The following SNTG1 variants were observed in gnomAD, a reference collection of about 807,000 sequenced individuals.
SNTG1 encodes the protein gamma-1-syntrophin.
In SNTG1, 39 loss-of-function variants were observed where a neutral mutation model predicts 74.7. The ratio of observed to expected loss-of-function variants is 0.52; its 90% CI spans 0.40 to 0.68. The LOEUF is 0.68. Ranked by LOEUF, SNTG1 falls within the 30% of genes least tolerant of loss-of-function variation. The pLI, the probability that SNTG1 is intolerant of heterozygous loss-of-function variation, is 0.00. For synonymous variants in SNTG1, 254 were observed against 217.1 expected (o/e 1.17, Z -1.49); for missense variants, 685 against 609.5 (o/e 1.12, Z -1.30).
chr8:50,509,148 G>T (rs1024016759), intron 9 of SNTG1, among the ~76,000 whole-genome samples: 2 of 152,154 alleles, frequency 1.3e-5, no homozygotes, highest in Admixed American at 1.3e-4. Flanking sequence ...TGGCTAGCCA[G>T]TTCTCCCAGC....
chr8:50,261,812 C>A (rs1374141135), intron 2 of SNTG1, among the ~76,000 whole-genome samples: 1 of 151,908 alleles, frequency 6.6e-6, no homozygotes, highest in Non-Finnish European at 1.5e-5. Flanking sequence ...AACAGAATCA[C>A]ATAAAACATT....
rs538114926 is a variant in SNTG1, at chr8:50,659,844, C to G, written c.1038+1181C>G. 4.6e-5 allele frequency among the ~76,000 whole-genome samples: 7 copies of G among 152,208 alleles called. No homozygotes were observed. The South Asian group carries it at 1.4e-3, about 32-fold the overall frequency. ...ATTGCCAAAATGGCTAATGAGATAG[C>G]TTTCTTTTTTTTGGAGATGGAGTCT... On this transcript the variant is annotated intron_variant, in intron 15 of 18. Transcript: ENST00000642720.
intron 13 of SNTG1, among the ~76,000 whole-genome samples, chr8:50,594,930 A>G (rs2094716568): frequency 6.6e-6 from 1 of 151,824 alleles, no homozygotes; most frequent in Non-Finnish European, 1.5e-5. Context: ...CTCTGGCAAT[A>G]TGTTGGCTTA....
rs145031454 is a variant in SNTG1, at chr8:50,712,328, A to T, written c.1284+3350A>T. ...AGGTCCAGTTAAGAAATTGGAAGTG[A>T]TTCTAAGAACAGAGGAATACCTTTA... On this transcript the variant is annotated intron_variant, in intron 17 of 18. Coordinates refer to ENST00000642720, the MANE Select transcript of SNTG1 (RefSeq NM_018967.5). Among the ~76,000 whole-genome samples, 46 of 152,322 alleles carry T rather than the reference A, an allele frequency of 3.0e-4. No individual in the cohort carries two copies. The East Asian group carries it at 7.7e-3, about 26-fold the overall frequency.
intron 18 of SNTG1, among the ~76,000 whole-genome samples, chr8:50,782,107 A>T (rs2095661425): frequency 2.6e-5 from 4 of 152,030 alleles, no homozygotes; most frequent in Admixed American, 6.6e-5. Flanking sequence ...TTTGTGGCTA[A>T]CCCGACCTTT....
At chr8:50,131,044 G>C (rs1251136760) in intron 1 of SNTG1, among the ~76,000 whole-genome samples, 1 of 151,590 alleles carries the variant, frequency 6.6e-6, no homozygotes, top group East Asian at 1.9e-4. Context: ...AATAAAAACA[G>C]CATGTTTAAT....
At chr8:50,080,119 T>A (rs1197234625) in intron 1 of SNTG1, among the ~76,000 whole-genome samples, 2 of 152,196 alleles carry the variant, frequency 1.3e-5, no homozygotes, top group Admixed American at 1.3e-4. Context: ...CTTGTGACTT[T>A]ACAAAACTTG....
intron 13 of SNTG1, among the ~76,000 whole-genome samples, chr8:50,649,674 A>G (rs1198567524): frequency 6.6e-6 from 1 of 152,214 alleles, no homozygotes; most frequent in East Asian, 1.9e-4. Flanking sequence ...CTTTGGTTGA[A>G]TACTTTCTCT....
chr8:50,148,346 G>A (rs544728983), intron 1 of SNTG1, among the ~76,000 whole-genome samples: 93 of 152,262 alleles, frequency 6.1e-4, no homozygotes, highest in African/African-American at 2.1e-3. Context: ...GTTGGACTTA[G>A]AGACTCACTT....
At chr8:49,980,189 C>T (rs1043264092) in intron 1 of SNTG1, among the ~76,000 whole-genome samples, 1 of 152,152 alleles carries the variant, frequency 6.6e-6, no homozygotes, top group Admixed American at 6.5e-5. Context: ...TCCTCCAGCG[C>T]CTGGCAGCCA....
intron 18 of SNTG1, among the ~76,000 whole-genome samples, chr8:50,777,111 G>A (rs1288277881): frequency 6.6e-6 from 1 of 151,298 alleles, no homozygotes; most frequent in Admixed American, 6.6e-5. Context: ...AAATCTATAG[G>A]ATGTATTCTT....
intron 17 of SNTG1, among the ~76,000 whole-genome samples, chr8:50,733,588 A>T (rs542836384): frequency 6.6e-6 from 1 of 151,874 alleles, no homozygotes; most frequent in Non-Finnish European, 1.5e-5. Flanking sequence ...CCTTACCAGG[A>T]TCTGTTGTTT....
chr8:50,791,346 C>A (rs1052048650), intron 18 of SNTG1, among the ~76,000 whole-genome samples: 1 of 151,792 alleles, frequency 6.6e-6, no homozygotes. Context: ...AAATGAATAA[C>A]CTCTTCTATT....
intron 1 of SNTG1, among the ~76,000 whole-genome samples, chr8:50,070,058 A>G (rs1821232223): frequency 6.6e-6 from 1 of 152,168 alleles, no homozygotes; most frequent in African/African-American, 2.4e-5. Context: ...CATTCAATGT[A>G]TGTTTGGTAA....
intron 2 of SNTG1, among the ~76,000 whole-genome samples, chr8:50,274,051 G>A (rs2087940744): frequency 6.6e-6 from 1 of 151,928 alleles, no homozygotes; most frequent in African/African-American, 2.4e-5. Context: ...TGGTATATAA[G>A]AGCACAACTG....
intron 1 of SNTG1, among the ~76,000 whole-genome samples, chr8:50,012,537 T>C (rs1585889842): frequency 6.6e-6 from 1 of 152,306 alleles, no homozygotes; most frequent in South Asian, 2.1e-4. Flanking sequence ...GGTTTTTAAA[T>C]TCACTGGAGA....
intron 1 of SNTG1, among the ~76,000 whole-genome samples, chr8:50,094,744 T>C (rs1324649595): frequency 6.6e-6 from 1 of 152,058 alleles, no homozygotes; most frequent in Non-Finnish European, 1.5e-5. Flanking sequence ...GGAAAGCAGT[T>C]TGGAGATTTC....
At chr8:50,361,175 C>T (rs1384321559) in intron 2 of SNTG1, among the ~76,000 whole-genome samples, 3 of 151,792 alleles carry the variant, frequency 2.0e-5, no homozygotes, top group Non-Finnish European at 4.4e-5. Context: ...GAAACTAATA[C>T]CCAAAGACAC....
At chr8:49,989,527 A>G (rs1813483174) in intron 1 of SNTG1, among the ~76,000 whole-genome samples, 1 of 151,960 alleles carries the variant, frequency 6.6e-6, no homozygotes, top group East Asian at 1.9e-4. Flanking sequence ...CAAACATGCA[A>G]TAAATAGTCA....
Sources: gnomAD v4.1 joint callset for allele counts (sites outside exome capture counted in the v4.1 genomes callset) on GRCh38, gnomAD v4.1.1 for gene constraint, MANE v1.5 for transcripts, NCBI Gene and HGNC (gene_info 2026-07-23, HGNC 2026-07-21) for gene names.